Variants in CDK15 observed in about 807,000 individuals in gnomAD.
CDK15 encodes cyclin-dependent kinase 15.
In CDK15, 62 loss-of-function variants were observed where a neutral mutation model predicts 60.3. That is an observed-to-expected ratio of 1.03 (90% confidence interval 0.84 to 1.27). The LOEUF (loss-of-function observed/expected upper bound fraction) is 1.27. CDK15 is among the 50% of genes most tolerant of loss of function. The pLI is 0.00. For synonymous variants in CDK15, 194 were observed against 195.7 expected (o/e 0.99, Z 0.07); for missense variants, 541 against 527.8 (o/e 1.03, Z -0.25).
At chr2:201,864,801 G>A (rs1698550915) in intron 10 of CDK15, among the ~76,000 whole-genome samples, 2 of 152,350 alleles carry the variant, frequency 1.3e-5, no homozygotes, top group Admixed American at 1.3e-4. Context: ...TAAGGTATCT[G>A]TGGAACCACA....
At chr2:201,833,999 G>C (rs1436403215) in intron 7 of CDK15, 28 bp downstream of exon 7, 3 of 1,608,610 alleles carry the variant, frequency 1.9e-6, no homozygotes, top group Non-Finnish European at 1.7e-6. Flanking sequence ...TCTCATTCTG[G>C]GCTGTGAACA....
At chr2:201,809,732 T>TTCC (rs966311314) in intron 3 of CDK15, among the ~76,000 whole-genome samples, 1 of 152,114 alleles carries the variant, frequency 6.6e-6, no homozygotes, top group African/African-American at 2.4e-5. Flanking sequence ...CTACCCTCCA[T>TTCC]TCCCCGGCAC....
Position 201,807,619 on chromosome 2 carries a change from G to T in CDK15, c.249G>T (p.Glu83Asp). 6.2e-7 allele frequency: 1 copy of T among 1,614,182 alleles called. No individual in the cohort carries two copies. ...GTAACAGTGATTGTTTTCAGGAAGA[G>T]GATCTGAGGCAGGGTTTTCAGTGGG... ...PRSNSDCFQE[E>D]DLRQGFQWRK... is the part of the protein sequence containing the mutation. The change falls in exon 2 of 14, where the codon GAG (glutamate) becomes GAT (aspartate). Residue 83 changes from glutamate (E) to aspartate (D), a missense_variant. Coordinates refer to ENST00000652192, the MANE Select transcript of CDK15 (RefSeq NM_001366386.2).
At chr2:201,813,486 T>C (rs1258861049) in intron 4 of CDK15, among the ~76,000 whole-genome samples, 1 of 152,242 alleles carries the variant, frequency 6.6e-6, no homozygotes, top group Non-Finnish European at 1.5e-5. Context: ...CTCCCACTTT[T>C]AACTACTTAT....
chr2:201,860,636 A>G, intron 10 of CDK15: 1 of 1,182,476 alleles, frequency 8.5e-7, no homozygotes, highest in Non-Finnish European at 1.1e-6. Context: ...GGAAAGCGGT[A>G]CTAAAAGCCC....
intron 8 of CDK15, among the ~76,000 whole-genome samples, chr2:201,845,900 G>A (rs577638443): frequency 6.6e-6 from 1 of 151,240 alleles, no homozygotes; most frequent in South Asian, 2.1e-4. Flanking sequence ...TCTGTAATCA[G>A]TCACCTGAAC....
intron 8 of CDK15, among the ~76,000 whole-genome samples, chr2:201,842,793 A>G (rs1235315705): frequency 1.3e-5 from 2 of 152,226 alleles, no homozygotes; most frequent in African/African-American, 4.8e-5. Flanking sequence ...ATTTGGAACA[A>G]TAAAATGACC....
intron 4 of CDK15, among the ~76,000 whole-genome samples, chr2:201,818,453 G>A (rs1696083020): frequency 1.3e-5 from 2 of 152,136 alleles, no homozygotes; most frequent in Admixed American, 6.5e-5. Flanking sequence ...TGACTTTTGT[G>A]TCCCTCAACT....
chr2:201,833,929 T>G lies in CDK15; in HGVS notation c.688T>G (p.Leu230Val). The change falls in exon 7 of 14, where the codon TTA becomes GTA. Residue 230 changes from leucine (L) to valine (V), a missense_variant. Coordinates refer to ENST00000652192, the MANE Select transcript of CDK15 (RefSeq NM_001366386.2). ...VLHRDLKPQNLLISHLGELKL... is the reference protein window; with the variant it reads ...VLHRDLKPQNVLISHLGELKL... ...TCACAGGGACCTGAAACCTCAGAAC[T>G]TACTCATCAGTCACCTGGGAGAGCT... 1 of 1,614,008 alleles carries G rather than the reference T, an allele frequency of 6.2e-7. No individual in the cohort carries two copies. Among genetic ancestry groups the G allele is most frequent in the Non-Finnish European group, 8.5e-7 (1 of 1,179,942 alleles).
In CDK15 at chr2:201,811,154, CTT is replaced by C. The variant is rs61361602; in HGVS notation, c.369-1316_369-1315del. Among the ~76,000 whole-genome samples the C allele has an allele frequency of 3.7e-3, 510 of 138,622 alleles. 3 individuals are homozygous for C. Among genetic ancestry groups the C allele is most frequent in the African/African-American group, 0.01 (383 of 37,336 alleles). The allele number at this position is 138,622 out of a possible 152,430, so 90.9% of individuals were successfully genotyped here. A position where few individuals can be genotyped will look rare whatever the true frequency, so the allele number is the denominator to read the frequency against. The stretch of plus-strand genomic sequence containing the variant: ...CACTGCGCCTGGCTGAGGGTATGCA[CTT>C]TTTTTTTTTTTTGAGACGGAGTCTT... On this transcript the variant is annotated intron_variant, in intron 3 of 13. Transcript: ENST00000652192.
intron 3 of CDK15, 59 bp downstream of exon 3, chr2:201,808,011 A>G (rs1695596583): frequency 4.2e-6 from 6 of 1,440,108 alleles, no homozygotes; most frequent in Non-Finnish European, 5.8e-6. Flanking sequence ...CCCCAATTTC[A>G]TATTATAAAG....
At chr2:201,824,218 A>T (rs1034489757) in intron 6 of CDK15, among the ~76,000 whole-genome samples, 2 of 152,206 alleles carry the variant, frequency 1.3e-5, no homozygotes, top group African/African-American at 4.8e-5. Flanking sequence ...ATAATTCTAC[A>T]TCTGTTATAA....
intron 12 of CDK15, among the ~76,000 whole-genome samples, chr2:201,887,746 G>A (rs565634449): frequency 2.0e-5 from 3 of 152,266 alleles, no homozygotes; most frequent in South Asian, 2.1e-4. Flanking sequence ...TGCTTTAATC[G>A]GAAATGTATG....
intron 12 of CDK15, chr2:201,888,435 C>G: frequency 6.5e-7 from 1 of 1,531,784 alleles, no homozygotes; most frequent in Non-Finnish European, 8.7e-7. Flanking sequence ...TTTAAACACC[C>G]GCTTTCATAT....
intron 8 of CDK15, among the ~76,000 whole-genome samples, chr2:201,846,191 A>G (rs1260172020): frequency 6.6e-6 from 1 of 152,154 alleles, no homozygotes; most frequent in Non-Finnish European, 1.5e-5. Context: ...CAAATGAGCC[A>G]GCATCAAAAC....
intron 8 of CDK15, among the ~76,000 whole-genome samples, chr2:201,835,992 TTATATA>T (rs370760082): frequency 0.6 from 69,377 of 116,242 alleles, 21,750 homozygotes; most frequent in Admixed American, 0.71. Flanking sequence ...TTTTATATAT[TTATATA>T]TATTTATATT....
intron 6 of CDK15, among the ~76,000 whole-genome samples, chr2:201,826,178 C>T (rs1275135687): frequency 1.3e-5 from 2 of 152,120 alleles, no homozygotes; most frequent in Non-Finnish European, 2.9e-5. Flanking sequence ...AGTTTCAGAT[C>T]GGCCGGGCGC....
At chr2:201,859,336 G>A (rs1283822849) in intron 10 of CDK15, among the ~76,000 whole-genome samples, 1 of 152,106 alleles carries the variant, frequency 6.6e-6, no homozygotes, top group Non-Finnish European at 1.5e-5. Context: ...TTCAAATGGC[G>A]AACCTCTAGA....
At chr2:201,851,870 G>A (rs1027721307) in intron 9 of CDK15, among the ~76,000 whole-genome samples, 4 of 152,018 alleles carry the variant, frequency 2.6e-5, no homozygotes, top group Non-Finnish European at 5.9e-5. Context: ...TGTTAGCCAG[G>A]CTGATCTCGA....
Sources: allele counts gnomAD v4.1 joint callset (sites outside exome capture counted in the v4.1 genomes callset), GRCh38; gene constraint gnomAD v4.1.1; transcripts MANE v1.5; gene names NCBI Gene and HGNC (gene_info 2026-07-23, HGNC 2026-07-21).